SAMD4A: variants seen among roughly 807,000 people sequenced by gnomAD.
SAMD4A encodes the protein protein Smaug homolog 1.
In SAMD4A, 33 loss-of-function variants were observed where a neutral mutation model predicts 81.3. The ratio of observed to expected loss-of-function variants is 0.41; its 90% CI spans 0.31 to 0.54. SAMD4A has a LOEUF of 0.54. Among genes scored for constraint, SAMD4A ranks in the 20% least tolerant of loss-of-function variants. The pLI is 0.37. For synonymous variants in SAMD4A, 389 were observed against 382.1 expected (o/e 1.02, Z -0.21); for missense variants, 854 against 951.1 (o/e 0.90, Z 1.34).
At chr14:54,571,702 A>G (rs996463749) in intron 2 of SAMD4A, among the ~76,000 whole-genome samples, 10 of 152,354 alleles carry the variant, frequency 6.6e-5, no homozygotes, top group African/African-American at 2.4e-4. Context: ...TTGAGACAAA[A>G]AAATAATTGT....
intron 3 of SAMD4A, among the ~76,000 whole-genome samples, chr14:54,710,025 G>C (rs903845629): frequency 6.6e-6 from 1 of 152,106 alleles, no homozygotes; most frequent in African/African-American, 2.4e-5. Context: ...AATGAAACTT[G>C]TTTTTATTCA....
At chr14:54,734,435 A>G (rs1025393698) in intron 3 of SAMD4A, among the ~76,000 whole-genome samples, 3 of 152,188 alleles carry the variant, frequency 2.0e-5, no homozygotes, top group African/African-American at 7.2e-5. Flanking sequence ...TGAGCCCTTT[A>G]TAGAAAGTCA....
At chr14:54,755,509 AC>A (rs1198344852) in intron 6 of SAMD4A, among the ~76,000 whole-genome samples, 17 of 152,130 alleles carry the variant, frequency 1.1e-4, no homozygotes, top group South Asian at 8.3e-4. Flanking sequence ...GAACAATAAC[AC>A]AGGCTATGCT....
chr14:54,731,650 A>T (rs1566608838), intron 3 of SAMD4A, among the ~76,000 whole-genome samples: 1 of 152,204 alleles, frequency 6.6e-6, no homozygotes, highest in East Asian at 1.9e-4. Flanking sequence ...AAATTTAATG[A>T]AGCGTATGTT....
chr14:54,742,574 T>C (rs2037871787), intron 4 of SAMD4A, among the ~76,000 whole-genome samples: 1 of 152,180 alleles, frequency 6.6e-6, no homozygotes, highest in Non-Finnish European at 1.5e-5. Flanking sequence ...AGCCATAGAT[T>C]TGGGCTCCTA....
chr14:54,745,709 A>G (rs1414332725), intron 4 of SAMD4A, among the ~76,000 whole-genome samples: 1 of 152,118 alleles, frequency 6.6e-6, no homozygotes, highest in Non-Finnish European at 1.5e-5. Flanking sequence ...CATATAGCAA[A>G]AGCATCTTTA....
chr14:54,654,018 T>G (rs1282239629), intron 2 of SAMD4A, among the ~76,000 whole-genome samples: 1 of 152,220 alleles, frequency 6.6e-6, no homozygotes, highest in African/African-American at 2.4e-5. Flanking sequence ...GTCACTTTAT[T>G]GCCAAAAGAA....
intron 2 of SAMD4A, among the ~76,000 whole-genome samples, chr14:54,569,400 C>G (rs1016181952): frequency 6.6e-6 from 1 of 152,194 alleles, no homozygotes; most frequent in African/African-American, 2.4e-5. Context: ...GAAATCTTCA[C>G]AGTTCTTTTC....
chr14:54,764,414 G>C, intron 7 of SAMD4A, 41 bp from the exon 8 acceptor site: 1 of 1,309,970 alleles, frequency 7.6e-7, no homozygotes, highest in Non-Finnish European at 1.1e-6. Context: ...AGATTAGAAA[G>C]GGGTGCATTT....
intron 2 of SAMD4A, among the ~76,000 whole-genome samples, chr14:54,675,167 A>G (rs2035963909): frequency 6.6e-6 from 1 of 151,992 alleles, no homozygotes. Flanking sequence ...GGAGTTCGAG[A>G]CCAGCTTGGC....
rs772636513 is a variant in SAMD4A at position 54,760,402 on chromosome 14, C to T, written c.1418C>T (p.Pro473Leu). The change falls in exon 7 of 13, where the codon CCG (proline) becomes CTG (leucine). Residue 473 changes from proline to leucine, a missense_variant. This residue lies in a region of SAMD4A where 428 missense variants were observed against 471.2 expected (regional missense o/e 0.91). Transcript: ENST00000554335. ...GCCGGGGCCAGCGGGGGGCTCCAGC[C>T]GCACCAGCTGAGCAGCTGCGATGGG... ...PSAGASGGLQ[P>L]HQLSSCDGEL... 3.1e-5 allele frequency: 46 copies of T among 1,485,174 alleles called. No homozygotes were observed. The highest frequency in any genetic ancestry group is 1.3e-4 in the East Asian group (5 of 39,376). 92.0% of individuals were successfully genotyped at this position (1,485,174 alleles called of 1,614,324 possible).
At chr14:54,728,839 G>A (rs2037489485) in intron 3 of SAMD4A, among the ~76,000 whole-genome samples, 1 of 152,146 alleles carries the variant, frequency 6.6e-6, no homozygotes, top group Admixed American at 6.6e-5. Flanking sequence ...CATGCATGTG[G>A]CTGCAAGGCT....
At chr14:54,680,730 C>T (rs529708084) in intron 2 of SAMD4A, among the ~76,000 whole-genome samples, 1 of 152,316 alleles carries the variant, frequency 6.6e-6, no homozygotes, top group Admixed American at 6.5e-5. Flanking sequence ...GTATTTTCTT[C>T]AGAAGCTTGT....
At chr14:54,760,949 A>T (rs2038381595) in intron 7 of SAMD4A, among the ~76,000 whole-genome samples, 1 of 152,060 alleles carries the variant, frequency 6.6e-6, no homozygotes, top group Non-Finnish European at 1.5e-5. Context: ...CTCCCTGTGC[A>T]GAAAAATGCC....
intron 3 of SAMD4A, among the ~76,000 whole-genome samples, chr14:54,720,223 G>A (rs1352490963): frequency 6.6e-6 from 1 of 151,912 alleles, no homozygotes; most frequent in Non-Finnish European, 1.5e-5. Flanking sequence ...TTCTGTTCTT[G>A]TTTCATAGCT....
At chr14:54,701,837 G>T (rs2036726628) in intron 2 of SAMD4A, among the ~76,000 whole-genome samples, 2 of 152,220 alleles carry the variant, frequency 1.3e-5, no homozygotes, top group Non-Finnish European at 2.9e-5. Context: ...ATGAGAATTT[G>T]ATTGAGTACT....
chr14:54,571,942 T>A (rs2033141315), intron 2 of SAMD4A, among the ~76,000 whole-genome samples: 1 of 152,228 alleles, frequency 6.6e-6, no homozygotes. Context: ...TATGCCATCC[T>A]CCACCCTGCG....
At chr14:54,648,665 AT>A (rs111870284) in intron 2 of SAMD4A, among the ~76,000 whole-genome samples, 50 of 152,278 alleles carry the variant, frequency 3.3e-4, no homozygotes, top group African/African-American at 1.1e-3. Flanking sequence ...GTGGTAGGAA[AT>A]GAAGTTGGAG....
At chr14:54,647,488 G>A (rs2035311325) in intron 2 of SAMD4A, among the ~76,000 whole-genome samples, 1 of 152,142 alleles carries the variant, frequency 6.6e-6, no homozygotes, top group Non-Finnish European at 1.5e-5. Flanking sequence ...AGCTTTCTGT[G>A]CTTGGCACCA....
Sources: allele counts gnomAD v4.1 joint callset (sites outside exome capture counted in the v4.1 genomes callset), GRCh38; gene constraint gnomAD v4.1.1; regional missense constraint gnomAD v4.1.1; transcripts MANE v1.5; gene names NCBI Gene and HGNC (gene_info 2026-07-23, HGNC 2026-07-21).